FNTB: variants seen among roughly 807,000 people sequenced by gnomAD.
The protein encoded by FNTB is protein farnesyltransferase subunit beta.
In FNTB, 27 loss-of-function variants were observed where a neutral mutation model predicts 59.4. That is an observed-to-expected ratio of 0.45 (90% confidence interval 0.34 to 0.63). The LOEUF is 0.63. FNTB is among the 20% of genes least tolerant of loss of function. The pLI, the probability that FNTB is intolerant of heterozygous loss-of-function variation, is 0.02. For missense variants in FNTB, 449 were observed against 559.6 expected (o/e 0.80, Z 1.99); for synonymous variants, 230 against 220.7 (o/e 1.04, Z -0.37).
intron 3 of FNTB, 101 bp from the exon 4 acceptor site, chr14:65,015,524 C>T (rs2061757122): frequency 8.3e-7 from 1 of 1,208,004 alleles, no homozygotes; most frequent in Non-Finnish European, 1.2e-6. Flanking sequence ...TGCCCTCCTC[C>T]CCCTTGCCAG....
At chr14:65,025,416 C>T (rs938681583) in intron 4 of FNTB, among the ~76,000 whole-genome samples, 1 of 152,172 alleles carries the variant, frequency 6.6e-6, no homozygotes, top group Non-Finnish European at 1.5e-5. Context: ...TTTGTTAGGG[C>T]ATGAGCTTAT....
chr14:65,022,185 A>G, intron 4 of FNTB: 2 of 405,410 alleles, frequency 4.9e-6, no homozygotes, highest in South Asian at 3.6e-5. Flanking sequence ...AACAAGCTTG[A>G]TGTGATGCCA....
At chr14:65,053,781 G>A (rs1038614604) in intron 10 of FNTB, among the ~76,000 whole-genome samples, 10 of 152,256 alleles carry the variant, frequency 6.6e-5, no homozygotes, top group Middle Eastern at 3.4e-3. Flanking sequence ...TAGAAAAAGG[G>A]AAATAAAATA....
At position 65,012,190 on chromosome 14, in the gene FNTB, C is replaced by T. The variant is rs1293540066; in HGVS notation, c.210-127C>T. 12 of 1,130,880 alleles carry T rather than the reference C, an allele frequency of 1.1e-5. No individual in the cohort carries two copies. The highest frequency in any genetic ancestry group is 1.4e-5 in the Non-Finnish European group (11 of 779,044). 70.1% of individuals were successfully genotyped at this position (1,130,880 alleles called of 1,614,324 possible). On this transcript the variant is annotated intron_variant, in intron 2 of 11. Coordinates refer to ENST00000246166, the MANE Select transcript of FNTB (RefSeq NM_002028.4). This position sits in a 1 kb window ranked among gnomAD's most constrained non-coding sequence, Gnocchi z 5.0. ...TGGAACCAGAGAAGTTGCTGGTTAT[C>T]CAGTCAGTGATTGCAGGGGGACGTC...
chr14:65,016,920 G>GTT lies in FNTB; in HGVS notation c.374+1223_374+1224dup, dbSNP rs34191835. Among the ~76,000 whole-genome samples the GTT allele has an allele frequency of 9.7e-3, 1,118 of 114,816 alleles. 59 individuals carry two copies. The highest frequency in any genetic ancestry group is 0.027 in the African/African-American group (795 of 29,384). 75.3% of individuals were successfully genotyped at this position (114,816 alleles called of 152,430 possible). ...TAATTGTCAAAGAAAGGCCCACGTG[G>GTT]TTTTTTTTTTTTTTTTTTTTGAGAC... On this transcript the variant is annotated intron_variant, in intron 4 of 11. Transcript: ENST00000246166.
chr14:65,005,504 T>TCTTC (rs2061571352), intron 2 of FNTB, among the ~76,000 whole-genome samples: 4 of 117,724 alleles, frequency 3.4e-5, no homozygotes, highest in South Asian at 4.9e-4. Context: ...TTTCTTTCTT[T>TCTTC]CTTTCTTTCT....
chr14:65,060,697 C>CAAAAAAAAAA (rs59036615), intron 11 of FNTB, among the ~76,000 whole-genome samples: 18 of 48,586 alleles, frequency 3.7e-4, no homozygotes, highest in East Asian at 5.2e-4. Context: ...GACTCCGTCT[C>CAAAAAAAAAA]AAAAAAAAAA....
At chr14:65,005,481 CT>C (rs1289435894) in intron 2 of FNTB, among the ~76,000 whole-genome samples, 3 of 135,402 alleles carry the variant, frequency 2.2e-5, no homozygotes, top group African/African-American at 6.3e-5. Context: ...TTCTTTCTTT[CT>C]TTCTTTCTTT....
rs1479837738 is a variant in FNTB, at chr14:65,001,767, C to T, written c.145-2482C>T. ...TGACTGAGAAATGCAGTCTGTGTTT[C>T]ATTTAGGCTGGTGCTTTATTTTAGC... On this transcript the variant is annotated intron_variant, in intron 1 of 11. Coordinates refer to ENST00000246166, the MANE Select transcript of FNTB (RefSeq NM_002028.4). The surrounding 1 kb of genome is among the most constrained non-coding windows in gnomAD (Gnocchi z 5.5). 6.6e-6 allele frequency among the ~76,000 whole-genome samples: 1 copy of T among 152,178 alleles called. No homozygotes were observed. Among genetic ancestry groups the T allele is most frequent in the African/African-American group, 2.4e-5 (1 of 41,450 alleles).
intron 1 of FNTB, among the ~76,000 whole-genome samples, chr14:64,996,411 G>A (rs1389971130): frequency 2.9e-4 from 44 of 152,192 alleles, no homozygotes; most frequent in Admixed American, 2.8e-3. Context: ...TTGCCATATC[G>A]TGAGTGATCA....
intron 3 of FNTB, among the ~76,000 whole-genome samples, chr14:65,013,938 A>G (rs1439236275): frequency 6.6e-6 from 1 of 152,218 alleles, no homozygotes; most frequent in East Asian, 1.9e-4. Flanking sequence ...AAATTAAGTC[A>G]TTTGCTCAAA....
chr14:65,017,683 G>C (rs2061804096), intron 4 of FNTB, among the ~76,000 whole-genome samples: 1 of 152,152 alleles, frequency 6.6e-6, no homozygotes, highest in Non-Finnish European at 1.5e-5. Flanking sequence ...AGCTGGGTGT[G>C]GTGGCTCACG....
chr14:65,008,988 A>T (rs1487394457), intron 2 of FNTB, among the ~76,000 whole-genome samples: 2 of 151,972 alleles, frequency 1.3e-5, no homozygotes, highest in Non-Finnish European at 2.9e-5. Context: ...CCTGCATCCC[A>T]CCCTGCACCC....
chr14:65,056,636 C>A (rs193018863), intron 11 of FNTB, among the ~76,000 whole-genome samples: 1 of 152,282 alleles, frequency 6.6e-6, no homozygotes, highest in Admixed American at 6.5e-5. Flanking sequence ...TGCGAATTGT[C>A]TGCCAGTTCA....
At chr14:65,003,530 T>C (rs960369441) in intron 1 of FNTB, 4 of 152,116 alleles carry the variant, frequency 2.6e-5, no homozygotes, top group Admixed American at 6.6e-5. Flanking sequence ...ACATGTATGC[T>C]TCATGTATAC....
At position 65,014,673 on chromosome 14, in the gene FNTB, G is replaced by C. The variant is rs1386373358; in HGVS notation, c.283-952G>C. On this transcript the variant is annotated intron_variant, in intron 3 of 11. Transcript: ENST00000246166. This position sits in a 1 kb window ranked among gnomAD's most constrained non-coding sequence, Gnocchi z 5.1. The stretch of plus-strand genomic sequence containing the variant: ...TATAAAAACTTAAAAAATTAGCCAG[G>C]CATAGTGGTGTGTGCCCGTAGTCCC... Among the ~76,000 whole-genome samples, 3 of 152,110 alleles carry C rather than the reference G, an allele frequency of 2.0e-5. No individual in the cohort carries two copies. The highest frequency in any genetic ancestry group is 4.4e-5 in the Non-Finnish European group (3 of 68,022).
chr14:64,987,237 C>A, intron 1 of FNTB, 140 bp downstream of exon 1: 1 of 1,027,930 alleles, frequency 9.7e-7, no homozygotes, highest in Non-Finnish European at 1.4e-6. Context: ...CTCTGGGAAG[C>A]TCCGGGCGCC....
In FNTB at chr14:65,013,422, T is replaced by C. The variant is rs111379743; in HGVS notation, c.282+1033T>C. ...GCTACTACCAGTTAAACAATACACA[T>C]CCATGGGCTAGATTTGGCCTGTGGG... is the stretch of plus-strand genomic sequence containing the variant. On this transcript the variant is annotated intron_variant, in intron 3 of 11. Transcript: ENST00000246166. Among the ~76,000 whole-genome samples, 641 of 151,960 alleles carry C rather than the reference T, an allele frequency of 4.2e-3. 17 individuals carry two copies. The South Asian group carries it at 0.044, about 10-fold the overall frequency.
In FNTB at chr14:64,994,815, G is replaced by C. The variant is rs1888333439; in HGVS notation, c.144+7718G>C. On this transcript the variant is annotated intron_variant, in intron 1 of 11. Transcript: ENST00000246166. The surrounding 1 kb of genome is among the most constrained non-coding windows in gnomAD (Gnocchi z 4.2). ...ACACTTGTTACTGAGCAGACATTAT[G>C]AAAAATAAAAATAAACACGGTATGC... 6.6e-6 allele frequency among the ~76,000 whole-genome samples: 1 copy of C among 152,002 alleles called. No individual in the cohort carries two copies. The highest frequency in any genetic ancestry group is 1.5e-5 in the Non-Finnish European group (1 of 68,016).
Sources: gnomAD v4.1 joint callset for allele counts (sites outside exome capture counted in the v4.1 genomes callset) on GRCh38, gnomAD v4.1.1 for gene constraint, Gnocchi (gnomAD v3.1) non-coding constraint, MANE v1.5 for transcripts, NCBI Gene and HGNC (gene_info 2026-07-23, HGNC 2026-07-21) for gene names.